ABCB7: variants seen among roughly 807,000 people sequenced by gnomAD.
ABCB7 encodes iron-sulfur clusters transporter ABCB7, mitochondrial.
Under a neutral mutation model 54.4 loss-of-function variants are expected in ABCB7, and 7 were observed. The ratio of observed to expected loss-of-function variants is 0.13; its 90% CI spans 0.07 to 0.24. ABCB7 has a LOEUF of 0.24. Among genes scored for constraint, ABCB7 ranks in the 10% least tolerant of loss-of-function variants. The pLI is 1.00. For synonymous variants in ABCB7, 218 were observed against 207.1 expected (o/e 1.05, Z -0.45); for missense variants, 356 against 570.4 (o/e 0.62, Z 3.83).
intron 1 of ABCB7, among the ~76,000 whole-genome samples, chrX:75,144,080 C>T (rs1400003895): frequency 9.0e-6 from 1 of 111,612 alleles, no homozygotes; most frequent in African/African-American, 3.3e-5. Context: ...TACCTCATGA[C>T]AGGCAATGCA....
At position 75,099,044 on chromosome X, in the gene ABCB7, A is replaced by C; in HGVS notation, c.351T>G (p.Thr117=). 8.3e-7 allele frequency: 1 copy of C among 1,210,094 alleles called. No homozygotes were observed. The highest frequency in any genetic ancestry group is 1.1e-6 in the Non-Finnish European group (1 of 894,058). Residue 117 remains threonine (T), a synonymous_variant, in exon 4 of 16, where the codon ACT becomes ACG. Coordinates refer to ENST00000373394, the MANE Select transcript of ABCB7 (RefSeq NM_001271696.3). The stretch of plus-strand genomic sequence containing the variant: ...AAAGCATTGCTTTTATGATTTTCCG[A>C]GTATCAACATCTTTTAACTATTGAA... ...DPKEGLKDVD[T]RKIIKAMLSY...
At chrX:75,106,206 G>A (rs1014229933) in intron 3 of ABCB7, among the ~76,000 whole-genome samples, 1 of 110,876 alleles carries the variant, frequency 9.0e-6, no homozygotes, top group Non-Finnish European at 1.9e-5. Flanking sequence ...TGCAAACTAT[G>A]CACCCAATAA....
chrX:75,122,864 GT>G (rs2081892146), intron 1 of ABCB7, among the ~76,000 whole-genome samples: 1 of 91,574 alleles, frequency 1.1e-5, no homozygotes, highest in African/African-American at 4.6e-5. Flanking sequence ...AAATTGGGGT[GT>G]GTGTGTGTGT....
intron 5 of ABCB7, among the ~76,000 whole-genome samples, chrX:75,076,086 A>G (rs774815287): frequency 1.8e-5 from 2 of 111,985 alleles, no homozygotes; most frequent in African/African-American, 6.5e-5. Flanking sequence ...CACAGCATTC[A>G]TATTCTGTTC....
intron 1 of ABCB7, among the ~76,000 whole-genome samples, chrX:75,142,693 T>C (rs752062517): frequency 2.2e-4 from 25 of 112,443 alleles, no homozygotes; most frequent in Non-Finnish European, 3.8e-4. Flanking sequence ...TTGACCTCCT[T>C]GGACTGAAGG....
chrX:75,127,112 A>C (rs1298395517), intron 1 of ABCB7, among the ~76,000 whole-genome samples: 1 of 111,616 alleles, frequency 9.0e-6, no homozygotes, highest in East Asian at 2.8e-4. Flanking sequence ...CAAAAAAAGA[A>C]AATTTCAGGC....
At chrX:75,138,517 A>G (rs756144689) in intron 1 of ABCB7, among the ~76,000 whole-genome samples, 93 of 112,061 alleles carry the variant, frequency 8.3e-4, no homozygotes, top group Admixed American at 2.6e-3. Flanking sequence ...TATTGGAGGG[A>G]ATGAAGAAAC....
rs373713999 is a variant in ABCB7 at position 75,073,275 on chromosome X, G to A, written c.1032+414C>T. 2.4e-4 allele frequency among the ~76,000 whole-genome samples: 27 copies of A among 111,656 alleles called. No homozygotes were observed. In the East Asian group the frequency reaches 4.8e-3, roughly 20 times the overall value. On this transcript the variant is annotated intron_variant, in intron 8 of 15. Transcript: ENST00000373394. ...ATTATCAAATATTAAATGATGGGTC[G>A]CGCAGCTGGTTTGTTTCCACCAGCA...
At chrX:75,079,149 G>A (rs1302914032) in intron 4 of ABCB7, among the ~76,000 whole-genome samples, 1 of 112,051 alleles carries the variant, frequency 8.9e-6, no homozygotes, top group African/African-American at 3.2e-5. Context: ...TAAGTGTTCA[G>A]GACGTGTGAG....
At chrX:75,104,095 C>CTTTTTTTTTTTTTTTTTT (rs1356193373) in intron 3 of ABCB7, among the ~76,000 whole-genome samples, 1 of 34,850 alleles carries the variant, frequency 2.9e-5, no homozygotes, top group Non-Finnish European at 5.3e-5. Context: ...TGTGGAAAGG[C>CTTTTTTTTTTTTTTTTTT]TTTCAACTCT....
chrX:75,144,490 C>G (rs1033409065), intron 1 of ABCB7, among the ~76,000 whole-genome samples: 3 of 110,931 alleles, frequency 2.7e-5, no homozygotes, highest in Non-Finnish European at 5.7e-5. Context: ...CTGGTGAAAA[C>G]CACTAAATAA....
At chrX:75,088,665 G>T (rs1418621337) in intron 4 of ABCB7, among the ~76,000 whole-genome samples, 4 of 110,122 alleles carry the variant, frequency 3.6e-5, no homozygotes, top group African/African-American at 9.9e-5. Context: ...AAATATGGGA[G>T]AATTACAAAA....
In ABCB7 at chrX:75,114,735, C is replaced by A; in HGVS notation, c.246+19G>T. 1.7e-6 allele frequency: 2 copies of A among 1,184,455 alleles called. No homozygotes were observed. Reference sequence around the variant, plus strand: ...CAGGTTTTTCCTAGCTATATGTAGACATGTTTGCTCAATCTTACCTTTGCA... The same window carrying A: ...CAGGTTTTTCCTAGCTATATGTAGAAATGTTTGCTCAATCTTACCTTTGCA... On this transcript the variant is annotated intron_variant, in intron 2 of 15. Transcript: ENST00000373394.
intron 1 of ABCB7, among the ~76,000 whole-genome samples, chrX:75,117,406 A>G: frequency 9.0e-6 from 1 of 110,870 alleles, no homozygotes; most frequent in East Asian, 2.9e-4. Context: ...ATACGCAGGT[A>G]AAGAATGGGA....
At chrX:75,054,165 T>A (rs779984070) in intron 15 of ABCB7, among the ~76,000 whole-genome samples, 5 of 112,342 alleles carry the variant, frequency 4.5e-5, no homozygotes, top group Non-Finnish European at 7.5e-5. Flanking sequence ...ATTTGTTTCT[T>A]GATAGCTACG....
intron 1 of ABCB7, among the ~76,000 whole-genome samples, chrX:75,147,369 C>T (rs774390142): frequency 1.1e-3 from 123 of 111,556 alleles, no homozygotes; most frequent in African/African-American, 3.8e-3. Context: ...CACATGCATG[C>T]GTATGTTCAT....
At chrX:75,149,966 A>G (rs1237690729) in intron 1 of ABCB7, among the ~76,000 whole-genome samples, 1 of 111,795 alleles carries the variant, frequency 8.9e-6, no homozygotes, top group East Asian at 2.8e-4. Flanking sequence ...GAAACAGTTT[A>G]CAATATGGCT....
At chrX:75,114,029 C>A (rs1286818079) in intron 2 of ABCB7, among the ~76,000 whole-genome samples, 1 of 111,427 alleles carries the variant, frequency 9.0e-6, no homozygotes, top group Non-Finnish European at 1.9e-5. Context: ...AAACAAAAGA[C>A]TAAAATAGAA....
chrX:75,152,848 C>T (rs1266077186), intron 1 of ABCB7, among the ~76,000 whole-genome samples: 1 of 109,272 alleles, frequency 9.2e-6, no homozygotes, highest in East Asian at 2.9e-4. Flanking sequence ...TTAGTATGGA[C>T]GGGGTTTCAC....
Sources: allele counts gnomAD v4.1 joint callset (sites outside exome capture counted in the v4.1 genomes callset), GRCh38; gene constraint gnomAD v4.1.1; transcripts MANE v1.5; gene names NCBI Gene and HGNC (gene_info 2026-07-23, HGNC 2026-07-21).